Variants in PACSIN2 observed in about 807,000 individuals in gnomAD.
PACSIN2 encodes the protein protein kinase C and casein kinase substrate in neurons 2.
A neutral mutation model predicts 63.8 loss-of-function variants in PACSIN2; 25 were observed. The observed-to-expected ratio is 0.39, with a 90% CI of 0.29 to 0.55. PACSIN2 has a LOEUF of 0.55. PACSIN2 is among the 20% of genes least tolerant of loss of function. PACSIN2 has a pLI of 0.62. For missense variants in PACSIN2, 518 were observed against 646.9 expected (o/e 0.80, Z 2.16); for synonymous variants, 255 against 256.2 (o/e 1.00, Z 0.05).
At chr22:43,009,192 A>C (rs1381577019) in intron 1 of PACSIN2, among the ~76,000 whole-genome samples, 2 of 152,182 alleles carry the variant, frequency 1.3e-5, no homozygotes, top group Non-Finnish European at 2.9e-5. Context: ...CAGGAGCCCC[A>C]GTTCTGGTCC....
intron 1 of PACSIN2, among the ~76,000 whole-genome samples, chr22:42,971,275 C>T (rs182493767): frequency 7.4e-4 from 113 of 152,254 alleles, no homozygotes; most frequent in Middle Eastern, 3.4e-3. Context: ...TTGGTGGAGA[C>T]GGGGTTTCGC....
intron 1 of PACSIN2, among the ~76,000 whole-genome samples, chr22:42,980,957 A>G (rs1317555255): frequency 1.6e-4 from 17 of 108,370 alleles, no homozygotes; most frequent in East Asian, 3.0e-4. Flanking sequence ...CGTCTGGGAT[A>G]TGAGGAGCCC....
chr22:42,989,981 T>C (rs1287822130), intron 1 of PACSIN2, among the ~76,000 whole-genome samples: 2 of 119,526 alleles, frequency 1.7e-5, no homozygotes, highest in Admixed American at 9.0e-5. Flanking sequence ...AAAGAAGATA[T>C]ATTTATATAT....
intron 1 of PACSIN2, among the ~76,000 whole-genome samples, chr22:42,995,407 G>A (rs1367299197): frequency 6.6e-6 from 1 of 152,172 alleles, no homozygotes; most frequent in African/African-American, 2.4e-5. Flanking sequence ...GGTTGGGACT[G>A]AGTCAGGATG....
At position 42,945,619 on chromosome 22, in the gene PACSIN2, C is replaced by G. The variant is rs532551319; in HGVS notation, c.-77-33462G>C. On this transcript the variant is annotated intron_variant, in intron 1 of 10. Coordinates refer to ENST00000263246, the MANE Select transcript of PACSIN2 (RefSeq NM_001184970.3). The stretch of plus-strand genomic sequence containing the variant: ...CAGAAACTCCTCTTCTTCCCACACC[C>G]AACCCCCCTCACCACTACCACATTC... Among the ~76,000 whole-genome samples the G allele has an allele frequency of 3.9e-5, 6 of 152,252 alleles. 1 individual carries two copies. In the South Asian group the frequency reaches 1.0e-3, roughly 26 times the overall value.
At position 42,870,451 on chromosome 22, in the gene PACSIN2, A is replaced by C. The variant is rs1928015778; in HGVS notation, c.*906T>G. 1 of 152,186 alleles carries C rather than the reference A, an allele frequency of 6.6e-6. No homozygotes were observed. Among genetic ancestry groups the C allele is most frequent in the Non-Finnish European group, 1.5e-5 (1 of 68,040 alleles). 9.4% of individuals were successfully genotyped at this position (152,186 alleles called of 1,614,324 possible). The stretch of plus-strand genomic sequence containing the variant: ...CATTAAAACAGTAGACGAGTGCTTT[A>C]GATTCTCTGAATATCAAATAATATA... On this transcript the variant is annotated 3_prime_UTR_variant, in exon 11 of 11. Transcript: ENST00000263246.
intron 8 of PACSIN2, among the ~76,000 whole-genome samples, chr22:42,877,477 C>T (rs950533511): frequency 2.6e-5 from 4 of 152,158 alleles, no homozygotes; most frequent in East Asian, 3.9e-4. Context: ...GCCCACACGG[C>T]CTCCTCCTGA....
At chr22:42,913,434 G>C (rs2038064) in intron 1 of PACSIN2, among the ~76,000 whole-genome samples, 1 of 144,462 alleles carries the variant, frequency 6.9e-6, no homozygotes, top group Admixed American at 7.2e-5. Flanking sequence ...AGCCAAGATC[G>C]TGCCATTGCA....
intron 1 of PACSIN2, among the ~76,000 whole-genome samples, chr22:42,988,451 G>A (rs146357582): frequency 3.3e-5 from 5 of 152,216 alleles, no homozygotes; most frequent in East Asian, 3.9e-4. Context: ...TTAATCCTGC[G>A]TCCTAGTAAT....
At chr22:42,971,892 G>C (rs1251086168) in intron 1 of PACSIN2, among the ~76,000 whole-genome samples, 1 of 150,818 alleles carries the variant, frequency 6.6e-6, no homozygotes, top group Non-Finnish European at 1.5e-5. Flanking sequence ...CGGGAGGTGG[G>C]GGGCAGCCTC....
At chr22:42,934,890 C>CTT (rs1569293369) in intron 1 of PACSIN2, among the ~76,000 whole-genome samples, 1 of 95,074 alleles carries the variant, frequency 1.1e-5, no homozygotes. Context: ...TTTCTTTTCT[C>CTT]TTTCTTTTCT....
chr22:42,940,808 C>A (rs1175546422), intron 1 of PACSIN2, among the ~76,000 whole-genome samples: 1 of 152,156 alleles, frequency 6.6e-6, no homozygotes, highest in Non-Finnish European at 1.5e-5. Flanking sequence ...CAAGAATAGC[C>A]AAAGGGATGG....
At chr22:42,932,574 A>T (rs925171250) in intron 1 of PACSIN2, among the ~76,000 whole-genome samples, 2 of 152,202 alleles carry the variant, frequency 1.3e-5, no homozygotes, top group African/African-American at 2.4e-5. Flanking sequence ...AAAGGATATC[A>T]AATAAGACCT....
intron 1 of PACSIN2, among the ~76,000 whole-genome samples, chr22:42,955,390 G>A (rs1456421670): frequency 2.6e-5 from 4 of 152,062 alleles, no homozygotes; most frequent in South Asian, 2.1e-4. Context: ...GTGATCTAAC[G>A]GATGGCTGGA....
intron 1 of PACSIN2, among the ~76,000 whole-genome samples, chr22:42,982,898 A>AAAAAAAAG (rs1922321325): frequency 6.7e-6 from 1 of 148,956 alleles, no homozygotes; most frequent in African/African-American, 2.5e-5. Flanking sequence ...AAACAACAAC[A>AAAAAAAAG]AGGCTAGGAG....
chr22:42,871,234 C>T lies in PACSIN2; in HGVS notation c.*123G>A, dbSNP rs1283371893. The T allele has an allele frequency of 3.5e-5, 24 of 677,672 alleles. No individual in the cohort carries two copies. Among genetic ancestry groups the T allele is most frequent in the Admixed American group, 6.4e-5 (3 of 46,886 alleles). The allele number at this position is 677,672 out of a possible 1,614,324, so 42.0% of individuals were successfully genotyped here. On this transcript the variant is annotated 3_prime_UTR_variant, in exon 11 of 11. Transcript: ENST00000263246. The surrounding 1 kb of genome is among the most constrained non-coding windows in gnomAD (Gnocchi z 5.4). Reference sequence around the variant, plus strand: ...GACCAGCTCATCTGCCTTCCAGGAACACCATGAAGCCAAGAGCAATGGAAC... The same window carrying T: ...GACCAGCTCATCTGCCTTCCAGGAATACCATGAAGCCAAGAGCAATGGAAC...
At chr22:42,899,419 C>G (rs1008513296) in intron 2 of PACSIN2, among the ~76,000 whole-genome samples, 3 of 152,130 alleles carry the variant, frequency 2.0e-5, no homozygotes, top group African/African-American at 7.2e-5. Context: ...TCCCGAGTAG[C>G]TGGGATGACA....
At chr22:42,916,134 C>T (rs962108627) in intron 1 of PACSIN2, among the ~76,000 whole-genome samples, 1 of 152,146 alleles carries the variant, frequency 6.6e-6, no homozygotes, top group Non-Finnish European at 1.5e-5. Context: ...TACCAGGTTT[C>T]AGTGAAGGTT....
intron 1 of PACSIN2, among the ~76,000 whole-genome samples, chr22:42,982,597 C>T (rs548763454): frequency 8.4e-6 from 1 of 118,768 alleles, no homozygotes; most frequent in Admixed American, 9.9e-5. Context: ...CTCTCTGAAA[C>T]ATGTGCTGTG....
Sources: gnomAD v4.1 joint callset for allele counts (sites outside exome capture counted in the v4.1 genomes callset) on GRCh38, gnomAD v4.1.1 for gene constraint, Gnocchi (gnomAD v3.1) non-coding constraint, MANE v1.5 for transcripts, NCBI Gene and HGNC (gene_info 2026-07-23, HGNC 2026-07-21) for gene names.